The following SKIC3 variants were observed in gnomAD, a reference collection of about 807,000 sequenced individuals.
The protein encoded by SKIC3 is superkiller complex protein 3.
chr5:95,490,330 A>T, the SKIC3 span, among the ~76,000 whole-genome samples: 1 of 151,414 alleles, frequency 6.6e-6, no homozygotes, highest in Non-Finnish European at 1.5e-5. Flanking sequence ...CTTTTAAGCT[A>T]TCTGGAAGAG....
At chr5:95,509,586 T>C in the SKIC3 span, 1 of 1,591,086 alleles carries the variant, frequency 6.3e-7, no homozygotes, top group African/African-American at 1.3e-5. Flanking sequence ...CAATTAAATG[T>C]AGTTTACCTT....
the SKIC3 span, among the ~76,000 whole-genome samples, chr5:95,532,381 T>A: frequency 6.6e-6 from 1 of 152,146 alleles, no homozygotes; most frequent in African/African-American, 2.4e-5. Context: ...GGAGACTATG[T>A]TCATGTTCGG....
the SKIC3 span, chr5:95,525,286 A>C: frequency 2.0e-6 from 2 of 1,013,144 alleles, no homozygotes; most frequent in Non-Finnish European, 3.1e-6. Flanking sequence ...AAGCCTACAA[A>C]GATCAAATTC....
the SKIC3 span, chr5:95,528,109 A>C: frequency 1.2e-6 from 2 of 1,613,876 alleles, no homozygotes; most frequent in Non-Finnish European, 1.7e-6. Context: ...TCCTCTGATA[A>C]AGACTGTTAC....
chr5:95,515,156 C>CA, the SKIC3 span: 2 of 443,904 alleles, frequency 4.5e-6, no homozygotes, highest in South Asian at 4.3e-5. Flanking sequence ...TGAACCCTAG[C>CA]AAAAAAGGGT....
the SKIC3 span, among the ~76,000 whole-genome samples, chr5:95,550,341 A>G: frequency 6.6e-6 from 1 of 151,954 alleles, no homozygotes; most frequent in Non-Finnish European, 1.5e-5. Context: ...GATTCCACAA[A>G]GCTAAAACAA....
chr5:95,516,889 T>C, the SKIC3 span: 1 of 1,562,264 alleles, frequency 6.4e-7, no homozygotes, highest in Non-Finnish European at 8.7e-7. Flanking sequence ...TTTGAAAAGG[T>C]TTATAAAAAA....
At chr5:95,545,975 C>T in the SKIC3 span, among the ~76,000 whole-genome samples, 1 of 152,140 alleles carries the variant, frequency 6.6e-6, no homozygotes, top group African/African-American at 2.4e-5. Flanking sequence ...CTGTAGTGGT[C>T]CCATGGTAAC....
the SKIC3 span, among the ~76,000 whole-genome samples, chr5:95,484,498 C>T: frequency 5.3e-5 from 8 of 152,020 alleles, no homozygotes; most frequent in South Asian, 2.1e-4. Context: ...AGGCATGTGT[C>T]ACCAGGACCG....
chr5:95,468,867 T>C, the SKIC3 span, among the ~76,000 whole-genome samples: 1 of 152,218 alleles, frequency 6.6e-6, no homozygotes, highest in South Asian at 2.1e-4. Context: ...ACACTGAGCA[T>C]GAGCAGAAGT....
the SKIC3 span, among the ~76,000 whole-genome samples, chr5:95,469,063 C>T: frequency 6.6e-6 from 1 of 152,136 alleles, no homozygotes; most frequent in Admixed American, 6.5e-5. Context: ...TATGTACTAA[C>T]CTCCATTTCT....
chr5:95,473,517 C>A, the SKIC3 span, among the ~76,000 whole-genome samples: 1 of 152,174 alleles, frequency 6.6e-6, no homozygotes, highest in African/African-American at 2.4e-5. Flanking sequence ...CTCAAGTGAT[C>A]CACCCGCTTT....
chr5:95,536,871 A>T, the SKIC3 span: 2 of 1,613,770 alleles, frequency 1.2e-6, no homozygotes, highest in Non-Finnish European at 1.7e-6. Flanking sequence ...ACAGTAGGAT[A>T]GATGTTTATC....
chr5:95,554,544 TA>T, the SKIC3 span, among the ~76,000 whole-genome samples: 1 of 152,204 alleles, frequency 6.6e-6, no homozygotes, highest in Non-Finnish European at 1.5e-5. Flanking sequence ...AAGGAACAGC[TA>T]TGCTTTCCCC....
At chr5:95,549,754 T>A in the SKIC3 span, among the ~76,000 whole-genome samples, 1,500 of 152,086 alleles carry the variant, frequency 9.9e-3, 25 homozygotes, top group African/African-American at 0.034. Context: ...TTTTAATTTT[T>A]ATTTTTATTT....
the SKIC3 span, among the ~76,000 whole-genome samples, chr5:95,476,806 T>A: frequency 6.6e-6 from 1 of 152,166 alleles, no homozygotes; most frequent in East Asian, 1.9e-4. Flanking sequence ...GGGACAGGTA[T>A]ACATGGGTAT....
the SKIC3 span, chr5:95,536,794 C>T: frequency 1.3e-6 from 2 of 1,569,356 alleles, no homozygotes; most frequent in South Asian, 1.1e-5. Flanking sequence ...CTAGGACACA[C>T]ACTATAATAA....
chr5:95,525,310 T>C, the SKIC3 span: 23 of 1,221,780 alleles, frequency 1.9e-5, no homozygotes, highest in Non-Finnish European at 2.6e-5. Flanking sequence ...AAAAATCAAA[T>C]CTTCATCAAG....
the SKIC3 span, chr5:95,529,113 A>G: frequency 6.2e-7 from 1 of 1,612,594 alleles, no homozygotes; most frequent in South Asian, 1.1e-5. Flanking sequence ...CTAAAAGGAT[A>G]AAAACAATCA....
Sources: allele counts gnomAD v4.1 joint callset (sites outside exome capture counted in the v4.1 genomes callset), GRCh38; gene constraint gnomAD v4.1.1; transcripts MANE v1.5; gene names NCBI Gene and HGNC (gene_info 2026-07-23, HGNC 2026-07-21).